Variants in BACH2 observed in about 807,000 individuals in gnomAD.
The protein encoded by BACH2 is BACH transcriptional regulator 2, also known as transcription regulator protein BACH2.
BACH2 carries 5 observed loss-of-function variants against 61.8 expected under a neutral mutation model. That is an observed-to-expected ratio of 0.08 (90% CI 0.04 to 0.17). The LOEUF (loss-of-function observed/expected upper bound fraction) is 0.17. Among genes scored for constraint, BACH2 ranks in the 10% least tolerant of loss-of-function variants. The probability of loss-of-function intolerance (pLI) is 1.00; values close to 1 mark genes in which losing one functional copy is unlikely to be tolerated. For missense variants in BACH2, 824 were observed against 1,091.1 expected, an observed-to-expected ratio of 0.76 and a Z score of 3.45; for synonymous variants, 446 against 440.1, an observed-to-expected ratio of 1.01 and a Z score of -0.17.
intron 5 of BACH2, among the ~76,000 whole-genome samples, chr6:90,061,483 T>A (rs1780682893): frequency 1.3e-5 from 2 of 152,202 alleles, no homozygotes; most frequent in Admixed American, 1.3e-4. Context: ...TTATCAAACA[T>A]CCAAGTGGAC....
chr6:89,952,157 G>T, intron 6 of BACH2: 1 of 388,412 alleles, frequency 2.6e-6, no homozygotes, highest in Non-Finnish European at 4.7e-6. Context: ...AAATATCCTG[G>T]CAAAAATGCA....
chr6:90,050,084 C>T (rs1351028254), intron 5 of BACH2, among the ~76,000 whole-genome samples: 2 of 152,140 alleles, frequency 1.3e-5, no homozygotes, highest in Non-Finnish European at 2.9e-5. Flanking sequence ...ATGTGTATTT[C>T]CTACTGTAAG....
chr6:90,290,105 T>C (rs1448095065), intron 1 of BACH2, among the ~76,000 whole-genome samples: 1 of 152,170 alleles, frequency 6.6e-6, no homozygotes, highest in Non-Finnish European at 1.5e-5. Flanking sequence ...GGTTCCAGCA[T>C]GGCTTAGGCA....
In BACH2 at chr6:89,928,553, A is replaced by G. The variant is rs1772469836; in HGVS notation, c.*3855T>C. On this transcript the variant is annotated 3_prime_UTR_variant, in exon 9 of 9. Coordinates refer to ENST00000257749, the MANE Select transcript of BACH2 (RefSeq NM_021813.4). ...CAGCATTAAACTTCACACTGTGCAC[A>G]CTTCACTTTAGCCAGTCCTCTCATG... 1 of 152,652 alleles carries G rather than the reference A, an allele frequency of 6.6e-6. No individual in the cohort carries two copies. The highest frequency in any genetic ancestry group is 2.4e-5 in the African/African-American group (1 of 41,438). 9.5% of individuals were successfully genotyped at this position (152,652 alleles called of 1,614,324 possible).
intron 6 of BACH2, among the ~76,000 whole-genome samples, chr6:89,989,610 G>C (rs1047293857): frequency 4.6e-5 from 7 of 152,094 alleles, no homozygotes; most frequent in African/African-American, 1.4e-4. Context: ...AGGTCCTCCT[G>C]GCAGGTGGGC....
rs1037094852 is a variant in BACH2 at position 89,929,603 on chromosome 6, G to A, written c.*2805C>T. 5 of 152,216 alleles carry A rather than the reference G, an allele frequency of 3.3e-5. No individual in the cohort carries two copies. The highest frequency in any genetic ancestry group is 3.3e-4 in the Admixed American group (5 of 15,260). 9.4% of individuals were successfully genotyped at this position (152,216 alleles called of 1,614,324 possible). On this transcript the variant is annotated 3_prime_UTR_variant, in exon 9 of 9. Transcript: ENST00000257749. ...TCCCATGGCAGAAGTTAGGTTGGGG[G>A]AAGAGGAAGAAAAGCAAGGCAGGGG...
At chr6:90,003,494 C>T (rs1376213698) in intron 6 of BACH2, among the ~76,000 whole-genome samples, 1 of 152,224 alleles carries the variant, frequency 6.6e-6, no homozygotes, top group African/African-American at 2.4e-5. Flanking sequence ...GTATATTTAA[C>T]ACTGATTAAT....
chr6:90,210,000 A>G (rs1329512445), intron 3 of BACH2, among the ~76,000 whole-genome samples: 1 of 152,176 alleles, frequency 6.6e-6, no homozygotes, highest in African/African-American at 2.4e-5. Flanking sequence ...AGTTCTTTTA[A>G]AAAGGAAAAC....
intron 3 of BACH2, among the ~76,000 whole-genome samples, chr6:90,213,067 T>G (rs1562507940): frequency 6.6e-6 from 1 of 152,210 alleles, no homozygotes; most frequent in Non-Finnish European, 1.5e-5. Flanking sequence ...AAGAGGTTAC[T>G]TGGCCTGGCC....
Position 89,950,810 on chromosome 6 carries a change from G to A in BACH2, c.1296C>T (p.Ile432=), listed in dbSNP as rs1413182972. ...CTTGGTCACAAGCGCTGGAGGAGAA[G>A]ATCACGCTCCTCCGGTCCAGCTCTC... ...QEGELDRRSV[I]FSSSACDQVS... Residue 432 remains isoleucine (I), a synonymous_variant, in exon 7 of 9, where the codon ATC becomes ATT. Coordinates refer to ENST00000257749, the MANE Select transcript of BACH2 (RefSeq NM_021813.4). This position sits in a 1 kb window ranked among gnomAD's most constrained non-coding sequence, Gnocchi z 5.3. 6.2e-7 allele frequency: 1 copy of A among 1,614,136 alleles called. No individual in the cohort carries two copies.
At chr6:89,982,118 G>C (rs934843013) in intron 6 of BACH2, among the ~76,000 whole-genome samples, 1 of 152,188 alleles carries the variant, frequency 6.6e-6, no homozygotes, top group Non-Finnish European at 1.5e-5. Flanking sequence ...TTACAGGTGT[G>C]AGCCACTGTG....
intron 5 of BACH2, among the ~76,000 whole-genome samples, chr6:90,059,128 T>C (rs1780539533): frequency 6.6e-6 from 1 of 152,114 alleles, no homozygotes; most frequent in South Asian, 2.1e-4. Flanking sequence ...ACAAATGGGA[T>C]CTAATTAAAC....
At chr6:90,156,471 T>C (rs150357618) in intron 4 of BACH2, among the ~76,000 whole-genome samples, 2 of 152,292 alleles carry the variant, frequency 1.3e-5, no homozygotes, top group African/African-American at 4.8e-5. Context: ...AATAACATTC[T>C]CAAAGATGGG....
chr6:89,964,596 G>A (rs562811680), intron 6 of BACH2, among the ~76,000 whole-genome samples: 6 of 152,060 alleles, frequency 3.9e-5, no homozygotes, highest in East Asian at 3.8e-4. Context: ...GCCAGATTAC[G>A]ACCCGAATAG....
intron 6 of BACH2, among the ~76,000 whole-genome samples, chr6:89,954,160 T>G (rs1774281403): frequency 6.6e-6 from 1 of 152,162 alleles, no homozygotes; most frequent in Non-Finnish European, 1.5e-5. Flanking sequence ...GCCCTCGTAA[T>G]GATCCTATGC....
chr6:90,131,524 C>T (rs539152678), intron 4 of BACH2, among the ~76,000 whole-genome samples: 75 of 152,246 alleles, frequency 4.9e-4, no homozygotes, highest in Admixed American at 1.2e-3. Flanking sequence ...CAAATCTCAG[C>T]GAAAGCCTCT....
chr6:90,190,751 C>A (rs550925736), intron 4 of BACH2, among the ~76,000 whole-genome samples: 82 of 152,046 alleles, frequency 5.4e-4, no homozygotes, highest in African/African-American at 1.8e-3. Flanking sequence ...ATATGCATAC[C>A]AAATATTGTA....
chr6:89,939,588 C>T (rs894597565), intron 7 of BACH2, among the ~76,000 whole-genome samples: 11 of 150,872 alleles, frequency 7.3e-5, no homozygotes, highest in East Asian at 5.8e-4. Flanking sequence ...TTATCTAAAG[C>T]GAGGACAGCA....
intron 2 of BACH2, among the ~76,000 whole-genome samples, chr6:90,254,987 A>G (rs1262630712): frequency 6.6e-6 from 1 of 152,170 alleles, no homozygotes; most frequent in African/African-American, 2.4e-5. Flanking sequence ...GTGGGTTCTC[A>G]ATCAATTGAC....
Sources: allele counts gnomAD v4.1 joint callset (sites outside exome capture counted in the v4.1 genomes callset), GRCh38; gene constraint gnomAD v4.1.1; non-coding constraint Gnocchi (gnomAD v3.1); transcripts MANE v1.5; gene names NCBI Gene and HGNC (gene_info 2026-07-23, HGNC 2026-07-21).